SMG6: variants seen among roughly 807,000 people sequenced by gnomAD.
The protein encoded by SMG6 is telomerase-binding protein EST1A.
A neutral mutation model predicts 142.2 loss-of-function variants in SMG6; 66 were observed. That is an observed-to-expected ratio of 0.46 (90% CI 0.38 to 0.57). The LOEUF is 0.57. Ranked by LOEUF, SMG6 falls within the 20% of genes least tolerant of loss-of-function variation. The pLI is 0.00. For synonymous variants in SMG6, 779 were observed against 702.4 expected, an observed-to-expected ratio of 1.11 and a Z score of -1.72; for missense variants, 1,793 against 1,832.0, an observed-to-expected ratio of 0.98 and a Z score of 0.39.
chr17:2,185,275 A>AG (rs1169199924), intron 12 of SMG6, among the ~76,000 whole-genome samples: 1 of 152,140 alleles, frequency 6.6e-6, no homozygotes, highest in Non-Finnish European at 1.5e-5. Flanking sequence ...GCAGACACAC[A>AG]GAACTTTGCG....
At chr17:2,066,963 G>C (rs1440591652) in intron 16 of SMG6, among the ~76,000 whole-genome samples, 1 of 152,214 alleles carries the variant, frequency 6.6e-6, no homozygotes, top group African/African-American at 2.4e-5. Context: ...GAAACAAGAA[G>C]GGAAAGCTGG....
intron 13 of SMG6, chr17:2,087,909 T>A (rs2068609367): frequency 1.0e-6 from 1 of 985,808 alleles, no homozygotes. Flanking sequence ...GTCAGCCACC[T>A]GACCCCACTA....
chr17:2,293,753 C>T (rs1192221039), intron 4 of SMG6, among the ~76,000 whole-genome samples: 3 of 152,240 alleles, frequency 2.0e-5, no homozygotes, highest in Admixed American at 1.3e-4. Context: ...GGATTACAGG[C>T]GTGAGCCATC....
intron 13 of SMG6, among the ~76,000 whole-genome samples, chr17:2,162,383 G>A (rs1014027881): frequency 3.3e-5 from 5 of 151,928 alleles, no homozygotes; most frequent in African/African-American, 4.8e-5. Flanking sequence ...GCGTGGTGGT[G>A]GGCGCCTATA....
intron 13 of SMG6, among the ~76,000 whole-genome samples, chr17:2,115,858 C>T (rs1287434394): frequency 6.6e-6 from 1 of 151,956 alleles, no homozygotes; most frequent in African/African-American, 2.4e-5. Context: ...AAGCGTGTAC[C>T]ACCATGCCAG....
chr17:2,186,553 A>G (rs1003940599), intron 12 of SMG6, 110 bp downstream of exon 12: 13 of 1,242,088 alleles, frequency 1.0e-5, no homozygotes, highest in Non-Finnish European at 1.5e-5. Context: ...AGAAATAGAG[A>G]GGCAGGCAGG....
chr17:2,104,580 A>C (rs2069103283), intron 13 of SMG6, among the ~76,000 whole-genome samples: 1 of 150,652 alleles, frequency 6.6e-6, no homozygotes, highest in South Asian at 2.1e-4. Context: ...AGTGGCAGGT[A>C]GAGCAAGTTA....
At chr17:2,276,970 G>A (rs984093188) in intron 8 of SMG6, among the ~76,000 whole-genome samples, 18 of 150,800 alleles carry the variant, frequency 1.2e-4, no homozygotes, top group Non-Finnish European at 1.9e-4. Flanking sequence ...TAGTAGAGAT[G>A]GGGTTTCTCC....
chr17:2,136,917 G>C (rs1170467585), intron 13 of SMG6, among the ~76,000 whole-genome samples: 3 of 152,204 alleles, frequency 2.0e-5, no homozygotes, highest in East Asian at 3.9e-4. Flanking sequence ...TCAGCACTTT[G>C]GGAGGCCGAG....
chr17:2,229,889 A>G (rs2073420873), intron 10 of SMG6, among the ~76,000 whole-genome samples: 1 of 152,162 alleles, frequency 6.6e-6, no homozygotes, highest in Non-Finnish European at 1.5e-5. Context: ...AAGGTAGCTG[A>G]AAGTCCTGCT....
At chr17:2,198,952 A>T (rs905614012) in intron 10 of SMG6, among the ~76,000 whole-genome samples, 214 of 52,158 alleles carry the variant, frequency 4.1e-3, no homozygotes, top group African/African-American at 8.5e-3. Context: ...AATAAAATTA[A>T]AAAAAAAAAA....
chr17:2,063,968 T>A (rs2067861975), intron 18 of SMG6, among the ~76,000 whole-genome samples: 1 of 152,160 alleles, frequency 6.6e-6, no homozygotes, highest in South Asian at 2.1e-4. Flanking sequence ...GGATATGGCA[T>A]GCAAACCTGG....
At chr17:2,184,640 A>G (rs1405412600) in intron 12 of SMG6, among the ~76,000 whole-genome samples, 1 of 139,368 alleles carries the variant, frequency 7.2e-6, no homozygotes, top group Admixed American at 7.2e-5. Context: ...CCAGGCAACA[A>G]GAGCAAAACT....
At chr17:2,233,387 CCAA>C (rs2073554954) in intron 10 of SMG6, 1 of 152,374 alleles carries the variant, frequency 6.6e-6, no homozygotes, top group Non-Finnish European at 1.5e-5. Context: ...GCAGTGACTG[CCAA>C]TTCACCACAG....
intron 13 of SMG6, among the ~76,000 whole-genome samples, chr17:2,125,952 C>CA (rs562438656): frequency 0.37 from 38,712 of 105,012 alleles, 7,829 homozygotes; most frequent in Admixed American, 0.44. Context: ...GAACCCATCT[C>CA]AAAAAAAAAA....
intron 13 of SMG6, among the ~76,000 whole-genome samples, chr17:2,131,299 A>AC (rs997730273): frequency 3.4e-5 from 5 of 146,332 alleles, no homozygotes; most frequent in Non-Finnish European, 1.5e-5. Flanking sequence ...CTCAGAAATG[A>AC]TTTTTTTTTT....
rs1412292797 is a variant in SMG6, at chr17:2,068,728, G to C, written c.3835+50C>G. The C allele has an allele frequency of 8.2e-6, 13 of 1,583,370 alleles. No individual in the cohort carries two copies. Among genetic ancestry groups the C allele is most frequent in the Non-Finnish European group, 1.0e-5 (12 of 1,162,294 alleles). The stretch of plus-strand genomic sequence containing the variant: ...CCCAGGCCGTGGGGCGTGTGTGGAG[G>C]GGGCTGCTGTGCACATGCAAGGCCG... On this transcript the variant is annotated intron_variant, in intron 16 of 18. Transcript: ENST00000263073. The surrounding 1 kb of genome is among the most constrained non-coding windows in gnomAD (Gnocchi z 6.7).
At chr17:2,108,397 A>G (rs2069212934) in intron 13 of SMG6, among the ~76,000 whole-genome samples, 1 of 152,204 alleles carries the variant, frequency 6.6e-6, no homozygotes, top group African/African-American at 2.4e-5. Context: ...CGGGCGGGTA[A>G]CTTGAGGTCA....
Position 2,127,483 on chromosome 17 carries a change from G to A in SMG6, c.3358-41582C>T, listed in dbSNP as rs183891223. The A allele has an allele frequency of 2.7e-4, 202 of 758,150 alleles. 2 individuals carry two copies. Among genetic ancestry groups the A allele is most frequent in the Admixed American group, 2.5e-3 (136 of 54,806 alleles). 47.0% of individuals were successfully genotyped at this position (758,150 alleles called of 1,614,324 possible). A position where few individuals can be genotyped will look rare whatever the true frequency, so the allele number is the denominator to read the frequency against. ...TGTTAGGCACGTAAATATAGACCCTGCTAAATATTTAATATTATCAAGCTT... is the reference window on the plus strand; with the variant it reads ...TGTTAGGCACGTAAATATAGACCCTACTAAATATTTAATATTATCAAGCTT... On this transcript the variant is annotated intron_variant, in intron 13 of 18. Transcript: ENST00000263073.
Sources: gnomAD v4.1 joint callset for allele counts (sites outside exome capture counted in the v4.1 genomes callset) on GRCh38, gnomAD v4.1.1 for gene constraint, Gnocchi (gnomAD v3.1) non-coding constraint, MANE v1.5 for transcripts, NCBI Gene and HGNC (gene_info 2026-07-23, HGNC 2026-07-21) for gene names.